The following SCG5 variants were observed in gnomAD, a reference collection of about 807,000 sequenced individuals.
The protein encoded by SCG5 is neuroendocrine protein 7B2.
Under a neutral mutation model 25.7 loss-of-function variants are expected in SCG5, and 18 were observed. That is an observed-to-expected ratio of 0.70 (90% CI 0.48 to 1.04). The LOEUF (loss-of-function observed/expected upper bound fraction) is 1.04, where lower values mean the gene tolerates loss of function less well. Ranked by LOEUF, SCG5 falls within the 50% of genes least tolerant of loss-of-function variation. The pLI, the probability that SCG5 is intolerant of heterozygous loss-of-function variation, is 0.00. For synonymous variants in SCG5, 101 were observed against 91.7 expected, an observed-to-expected ratio of 1.10 and a Z score of -0.58; for missense variants, 206 against 259.8, an observed-to-expected ratio of 0.79 and a Z score of 1.42.
chr15:32,651,425 G>T (rs2054029410), intron 2 of SCG5, among the ~76,000 whole-genome samples: 1 of 152,246 alleles, frequency 6.6e-6, no homozygotes, highest in Non-Finnish European at 1.5e-5. Flanking sequence ...TTGCCACAGG[G>T]TGGCAACAGT....
At chr15:32,694,967 G>C (rs2054927876) in intron 5 of SCG5, among the ~76,000 whole-genome samples, 1 of 151,866 alleles carries the variant, frequency 6.6e-6, no homozygotes, top group East Asian at 1.9e-4. Context: ...GATTGAGCAT[G>C]CAACAGGGAT....
chr15:32,667,545 C>G (rs1006513738), intron 2 of SCG5, among the ~76,000 whole-genome samples: 1 of 152,264 alleles, frequency 6.6e-6, no homozygotes, highest in African/African-American at 2.4e-5. Context: ...TTGCTCATCA[C>G]TGTCCACACA....
intron 5 of SCG5, among the ~76,000 whole-genome samples, chr15:32,695,855 C>T (rs2054948621): frequency 6.6e-6 from 1 of 152,140 alleles, no homozygotes; most frequent in Non-Finnish European, 1.5e-5. Flanking sequence ...GTCTTGGTAT[C>T]TAAATTAGTA....
At position 32,695,341 on chromosome 15, in the gene SCG5, C is replaced by A. The variant is rs529659771; in HGVS notation, c.544-1173C>A. ...CAGCTTCTTTCTTATATTTTTGTTC[C>A]ATTATTGGAAGGCAACTTCAATGAA... On this transcript the variant is annotated intron_variant, in intron 5 of 5. Transcript: ENST00000300175. Among the ~76,000 whole-genome samples the A allele has an allele frequency of 1.4e-4, 21 of 152,148 alleles. 1 individual carries two copies. The highest frequency in any genetic ancestry group is 1.4e-3 in the Admixed American group (21 of 15,276).
intron 2 of SCG5, among the ~76,000 whole-genome samples, chr15:32,657,459 C>T (rs955482402): frequency 1.3e-5 from 2 of 151,536 alleles, no homozygotes; most frequent in African/African-American, 4.8e-5. Flanking sequence ...CTTTTTCATA[C>T]TGAAATTTGC....
At chr15:32,673,530 G>GTGTGTGTGTGTGTGTA (rs2054477423) in intron 2 of SCG5, among the ~76,000 whole-genome samples, 1 of 149,104 alleles carries the variant, frequency 6.7e-6, no homozygotes, top group African/African-American at 2.5e-5. Context: ...AGATCCCCGT[G>GTGTGTGTGTGTGTGTA]TGTGTGTGTG....
At chr15:32,655,257 G>A (rs1216032106) in intron 2 of SCG5, among the ~76,000 whole-genome samples, 2 of 151,756 alleles carry the variant, frequency 1.3e-5, no homozygotes, top group South Asian at 2.1e-4. Context: ...GCAGTGAGCC[G>A]AGATCGTGCC....
At chr15:32,662,275 A>C (rs1214165035) in intron 2 of SCG5, among the ~76,000 whole-genome samples, 1 of 152,180 alleles carries the variant, frequency 6.6e-6, no homozygotes, top group Non-Finnish European at 1.5e-5. Context: ...CATTTCCTAC[A>C]TACTGTCAGG....
chr15:32,645,592 T>C (rs2053930544), intron 2 of SCG5, among the ~76,000 whole-genome samples: 2 of 152,130 alleles, frequency 1.3e-5, no homozygotes, highest in African/African-American at 4.8e-5. Context: ...GGGGTGGCTA[T>C]AAGGAAATGC....
chr15:32,673,527 C>CATGTGTGT (rs376867044), intron 2 of SCG5, among the ~76,000 whole-genome samples: 39 of 134,944 alleles, frequency 2.9e-4, no homozygotes, highest in African/African-American at 9.7e-4. Flanking sequence ...ATAAGATCCC[C>CATGTGTGT]GTGTGTGTGT....
intron 2 of SCG5, among the ~76,000 whole-genome samples, chr15:32,670,664 C>T (rs2054404949): frequency 6.6e-6 from 1 of 152,234 alleles, no homozygotes; most frequent in South Asian, 2.1e-4. Flanking sequence ...TGCTCATGAT[C>T]TCTTCCACCA....
chr15:32,683,584 T>C (rs537156647), intron 3 of SCG5, among the ~76,000 whole-genome samples: 3 of 152,186 alleles, frequency 2.0e-5, no homozygotes, highest in Non-Finnish European at 4.4e-5. Flanking sequence ...TGCAAACCTA[T>C]TATGTGCCGG....
chr15:32,680,393 A>G (rs2054598907), intron 3 of SCG5, among the ~76,000 whole-genome samples: 1 of 151,242 alleles, frequency 6.6e-6, no homozygotes, highest in African/African-American at 2.4e-5. Flanking sequence ...AGAGACGGGG[A>G]TTCAGCGTGT....
In SCG5 at chr15:32,674,680, C is replaced by T. The variant is rs575065722; in HGVS notation, c.227-5086C>T. On this transcript the variant is annotated intron_variant, in intron 2 of 5. Coordinates refer to ENST00000300175, the MANE Select transcript of SCG5 (RefSeq NM_001144757.3). ...GGGCTTTGTTAACACCGAACAAGAC[C>T]ATGAGTGGCAAAACTTGGAGCTGAG... is the stretch of plus-strand genomic sequence containing the variant. 7.2e-5 allele frequency among the ~76,000 whole-genome samples: 11 copies of T among 152,218 alleles called. No individual in the cohort carries two copies. In the South Asian group the frequency reaches 2.3e-3, roughly 32 times the overall value.
chr15:32,665,403 C>T (rs1360704605), intron 2 of SCG5, among the ~76,000 whole-genome samples: 1 of 151,782 alleles, frequency 6.6e-6, no homozygotes, highest in African/African-American at 2.4e-5. Context: ...TCGTTTCTGA[C>T]ACTTTCTGAA....
intron 2 of SCG5, among the ~76,000 whole-genome samples, chr15:32,661,458 T>TA (rs2140525196): frequency 6.6e-6 from 1 of 152,170 alleles, no homozygotes; most frequent in South Asian, 2.1e-4. Flanking sequence ...CTGTCTCTAC[T>TA]AAAAATACAA....
chr15:32,661,787 A>G (rs1043059590), intron 2 of SCG5, among the ~76,000 whole-genome samples: 1 of 152,110 alleles, frequency 6.6e-6, no homozygotes, highest in African/African-American at 2.4e-5. Flanking sequence ...TATATGGATA[A>G]CTTATGTTTC....
At chr15:32,672,195 G>C (rs1041381865) in intron 2 of SCG5, among the ~76,000 whole-genome samples, 3 of 152,250 alleles carry the variant, frequency 2.0e-5, no homozygotes, top group Non-Finnish European at 4.4e-5. Flanking sequence ...TCAGGGGCCT[G>C]TGCCCGCTCC....
chr15:32,691,712 C>G lies in SCG5; in HGVS notation c.492C>G (p.Asn164Lys), dbSNP rs563452313. The G allele has an allele frequency of 6.2e-7, 1 of 1,606,354 alleles. No individual in the cohort carries two copies. The highest frequency in any genetic ancestry group is 2.2e-5 in the East Asian group (1 of 44,748). ...GTTTTCTTTTCTCCCCATTCTAGAA[C>G]AAGAAACTCCTTTACGAGAAGATGA... ...EHDYPGLGKW[N>K]KKLLYEKMKG... Residue 164 changes from asparagine (N) to lysine (K), a missense_variant and splice_region_variant, in exon 5 of 6, where the codon AAC (asparagine) becomes AAG (lysine). Physicochemically the swap from Asn to Lys is moderately conservative, Grantham distance 94. Transcript: ENST00000300175.
Sources: allele counts gnomAD v4.1 joint callset (sites outside exome capture counted in the v4.1 genomes callset), GRCh38; gene constraint gnomAD v4.1.1; transcripts MANE v1.5; gene names NCBI Gene and HGNC (gene_info 2026-07-23, HGNC 2026-07-21).